The following DRG1 variants were observed in gnomAD, a reference collection of about 807,000 sequenced individuals.
DRG1 encodes developmentally regulated GTP binding protein 1.
DRG1 carries 19 observed loss-of-function variants against 38.8 expected under a neutral mutation model. The ratio of observed to expected loss-of-function variants is 0.49; its 90% confidence interval spans 0.34 to 0.72. DRG1 has a LOEUF of 0.72. Ranked by LOEUF, DRG1 falls within the 30% of genes least tolerant of loss-of-function variation. The pLI is 0.01. For synonymous variants in DRG1, 167 were observed against 157.5 expected (o/e 1.06, Z -0.45); for missense variants, 299 against 444.8 (o/e 0.67, Z 2.95).
chr22:31,401,951 C>G (rs559674184), intron 2 of DRG1, among the ~76,000 whole-genome samples: 1 of 151,342 alleles, frequency 6.6e-6, no homozygotes, highest in South Asian at 2.1e-4. Flanking sequence ...CTCAGGAGGC[C>G]GAGGCAGGAG....
chr22:31,427,972 G>A (rs1014702071), intron 8 of DRG1, among the ~76,000 whole-genome samples: 4 of 151,882 alleles, frequency 2.6e-5, no homozygotes, highest in Admixed American at 6.6e-5. Context: ...CTTGACCTCA[G>A]CCCCCCAAAG....
chr22:31,422,079 C>G (rs1006593857), intron 5 of DRG1, among the ~76,000 whole-genome samples: 3 of 151,272 alleles, frequency 2.0e-5, no homozygotes, highest in African/African-American at 7.3e-5. Flanking sequence ...CCACTGCACT[C>G]CAGCCTGGTG....
At chr22:31,428,460 G>A (rs539855556) in intron 8 of DRG1, among the ~76,000 whole-genome samples, 7 of 151,928 alleles carry the variant, frequency 4.6e-5, no homozygotes, top group South Asian at 2.1e-4. Context: ...TGATCTGCCC[G>A]CCTCGGCCTC....
chr22:31,430,460 C>T (rs888279395), intron 8 of DRG1, among the ~76,000 whole-genome samples: 14 of 150,678 alleles, frequency 9.3e-5, no homozygotes, highest in African/African-American at 3.4e-4. Context: ...AGTGCAGTGG[C>T]GCCATCTCCG....
In DRG1 at chr22:31,399,613, T is replaced by C. The variant is rs1413818189; in HGVS notation, c.-71T>C. On this transcript the variant is annotated 5_prime_UTR_variant, in exon 1 of 9. Transcript: ENST00000331457. ...CGCGCCTGCGTGCTGCAGTAGCGCCTGGTGGCGGTGGCAGTTTGCCCGCGG... is the reference window on the plus strand; with the variant it reads ...CGCGCCTGCGTGCTGCAGTAGCGCCCGGTGGCGGTGGCAGTTTGCCCGCGG... The C allele has an allele frequency of 1.1e-5, 18 of 1,605,370 alleles. No individual in the cohort carries two copies. The highest frequency in any genetic ancestry group is 4.0e-5 in the African/African-American group (3 of 74,760).
At chr22:31,410,163 A>G (rs1479298004) in intron 3 of DRG1, among the ~76,000 whole-genome samples, 1 of 152,118 alleles carries the variant, frequency 6.6e-6, no homozygotes, top group Non-Finnish European at 1.5e-5. Flanking sequence ...GGTAAGGTAC[A>G]TAAAAAGCCC....
intron 3 of DRG1, among the ~76,000 whole-genome samples, chr22:31,409,832 A>G (rs1284440706): frequency 6.6e-6 from 1 of 151,850 alleles, no homozygotes; most frequent in East Asian, 1.9e-4. Flanking sequence ...TGACTCTACT[A>G]AAATACAAAA....
intron 2 of DRG1, among the ~76,000 whole-genome samples, chr22:31,401,311 G>A (rs921961011): frequency 7.9e-5 from 12 of 151,490 alleles, no homozygotes; most frequent in Admixed American, 2.0e-4. Flanking sequence ...GGCTGGGTGC[G>A]GTGGCTCACG....
At chr22:31,399,791 C>T in intron 1 of DRG1, 66 bp downstream of exon 1, 1 of 1,611,388 alleles carries the variant, frequency 6.2e-7, no homozygotes, top group Admixed American at 1.7e-5. Flanking sequence ...GTCGCTCCTT[C>T]CTGTTCTCCT....
chr22:31,426,500 T>A, intron 6 of DRG1, 115 bp from the exon 7 acceptor site: 1 of 841,138 alleles, frequency 1.2e-6, no homozygotes, highest in South Asian at 1.9e-5. Flanking sequence ...GATCTGCTAC[T>A]TACAGTCCCT....
chr22:31,424,488 C>CTTTT (rs398036881), intron 6 of DRG1, among the ~76,000 whole-genome samples: 1,113 of 71,526 alleles, frequency 0.016, 3 homozygotes, highest in Admixed American at 0.021. Flanking sequence ...GCTTTGGTTT[C>CTTTT]TTTTTTTTTT....
intron 4 of DRG1, among the ~76,000 whole-genome samples, chr22:31,415,741 C>T (rs2050041323): frequency 6.6e-6 from 1 of 152,082 alleles, no homozygotes; most frequent in African/African-American, 2.4e-5. Context: ...ATATAGTCTC[C>T]TGTTTTTTCT....
intron 3 of DRG1, among the ~76,000 whole-genome samples, chr22:31,405,204 T>C (rs766934497): frequency 2.6e-5 from 4 of 151,614 alleles, no homozygotes; most frequent in South Asian, 2.1e-4. Context: ...AGTCTTGCTG[T>C]GTCACCCAGG....
intron 3 of DRG1, among the ~76,000 whole-genome samples, chr22:31,409,204 C>T (rs1446712483): frequency 6.6e-6 from 1 of 152,136 alleles, no homozygotes; most frequent in African/African-American, 2.4e-5. Flanking sequence ...TGTGCCTCAG[C>T]CTCCAGAGTA....
chr22:31,400,371 G>A (rs1367444184), intron 1 of DRG1, among the ~76,000 whole-genome samples: 1 of 151,964 alleles, frequency 6.6e-6, no homozygotes, highest in Non-Finnish European at 1.5e-5. Context: ...AAAGGAACCC[G>A]CAGACGGGTT....
chr22:31,409,277 G>T (rs374081837), intron 3 of DRG1, among the ~76,000 whole-genome samples: 1 of 151,970 alleles, frequency 6.6e-6, no homozygotes, highest in Non-Finnish European at 1.5e-5. Context: ...TACAGACGGG[G>T]TTTCACCATG....
intron 4 of DRG1, among the ~76,000 whole-genome samples, chr22:31,417,142 C>G (rs565287666): frequency 2.0e-5 from 3 of 151,520 alleles, no homozygotes; most frequent in Non-Finnish European, 4.4e-5. Flanking sequence ...GAGGCCGAGG[C>G]GGGTGGATCA....
At chr22:31,405,986 C>A (rs975702978) in intron 3 of DRG1, among the ~76,000 whole-genome samples, 3 of 151,776 alleles carry the variant, frequency 2.0e-5, no homozygotes, top group Non-Finnish European at 4.4e-5. Flanking sequence ...CCATGCCTGG[C>A]CGTTTCTTTT....
At chr22:31,410,782 T>C (rs2050014055) in intron 3 of DRG1, among the ~76,000 whole-genome samples, 2 of 150,440 alleles carry the variant, frequency 1.3e-5, no homozygotes, top group South Asian at 4.2e-4. Context: ...GCCGTTGTAC[T>C]CCAGCCTGGG....
Sources: allele counts gnomAD v4.1 joint callset (sites outside exome capture counted in the v4.1 genomes callset), GRCh38; gene constraint gnomAD v4.1.1; transcripts MANE v1.5; gene names NCBI Gene and HGNC (gene_info 2026-07-23, HGNC 2026-07-21).